KPNA2: variants seen among roughly 807,000 people sequenced by gnomAD.
KPNA2 encodes importin subunit alpha-1.
In KPNA2, 20 loss-of-function variants were observed where a neutral mutation model predicts 53.7. The observed-to-expected ratio is 0.37, with a 90% CI of 0.26 to 0.54. KPNA2 has a LOEUF of 0.54. Ranked by LOEUF, KPNA2 falls within the 20% of genes least tolerant of loss-of-function variation. The probability of loss-of-function intolerance (pLI) is 0.83; values close to 1 mark genes in which losing one functional copy is unlikely to be tolerated. For synonymous variants in KPNA2, 238 were observed against 227.5 expected (o/e 1.05, Z -0.42); for missense variants, 515 against 640.3 (o/e 0.80, Z 2.11).
At position 68,042,338 on chromosome 17, in the gene KPNA2, C is replaced by T; in HGVS notation, c.556C>T (p.Leu186=). The T allele has an allele frequency of 1.9e-6, 3 of 1,614,006 alleles. No homozygotes were observed. Among genetic ancestry groups the T allele is most frequent in the Non-Finnish European group, 1.7e-6 (2 of 1,179,904 alleles). The change falls in exon 5 of 11, where the codon CTA becomes TTA. Residue 186 remains leucine (L), a synonymous_variant. Coordinates refer to ENST00000330459, the MANE Select transcript of KPNA2 (RefSeq NM_002266.4). Reference sequence around the variant, plus strand: ...CATCAGTGAACAAGCTGTCTGGGCTCTAGGAAACATTGCAGGTACTTGGAC... The same window carrying T: ...CATCAGTGAACAAGCTGTCTGGGCTTTAGGAAACATTGCAGGTACTTGGAC... The part of the protein sequence containing the change: ...AHISEQAVWA[L]GNIAGDGSVF...
chr17:68,045,169 T>C (rs2071313711), intron 9 of KPNA2, among the ~76,000 whole-genome samples: 1 of 152,068 alleles, frequency 6.6e-6, no homozygotes, highest in Non-Finnish European at 1.5e-5. Context: ...AATTTGTCAG[T>C]ATGTGGCCAG....
intron 3 of KPNA2, among the ~76,000 whole-genome samples, chr17:68,038,693 C>T (rs1245963104): frequency 6.6e-6 from 1 of 151,982 alleles, no homozygotes; most frequent in Non-Finnish European, 1.5e-5. Context: ...GAGTGAAACT[C>T]CGTCTCAAGG....
chr17:68,041,841 G>A (rs2071263947), intron 4 of KPNA2, among the ~76,000 whole-genome samples: 1 of 152,190 alleles, frequency 6.6e-6, no homozygotes, highest in Admixed American at 6.5e-5. Context: ...TTTCTGCAGG[G>A]ATGGAAAGGA....
chr17:68,041,611 A>G (rs2071261115), intron 4 of KPNA2, among the ~76,000 whole-genome samples: 1 of 152,136 alleles, frequency 6.6e-6, no homozygotes, highest in Non-Finnish European at 1.5e-5. Context: ...TTGTCGTCCC[A>G]GCTACTAAGG....
At position 68,046,710 on chromosome 17, in the gene KPNA2, C is replaced by T; in HGVS notation, c.*114C>T. The T allele has an allele frequency of 2.9e-6, 2 of 701,484 alleles. No homozygotes were observed. Among genetic ancestry groups the T allele is most frequent in the South Asian group, 3.4e-5 (2 of 58,010 alleles). 43.5% of individuals were successfully genotyped at this position (701,484 alleles called of 1,614,324 possible). ...GTTTGTTACTGTAGCACTTTTTACACTGAAACTATACTTGAACAGTTCCAA... is the reference window on the plus strand; with the variant it reads ...GTTTGTTACTGTAGCACTTTTTACATTGAAACTATACTTGAACAGTTCCAA... On this transcript the variant is annotated 3_prime_UTR_variant, in exon 11 of 11. Coordinates refer to ENST00000330459, the MANE Select transcript of KPNA2 (RefSeq NM_002266.4).
In KPNA2 at chr17:68,043,338, T is replaced by C; in HGVS notation, c.905T>C (p.Leu302Pro). The C allele has an allele frequency of 1.2e-6, 2 of 1,614,042 alleles. No individual in the cohort carries two copies. Among genetic ancestry groups the C allele is most frequent in the Non-Finnish European group, 1.7e-6 (2 of 1,179,916 alleles). Residue 302 changes from leucine (L) to proline (P), a missense_variant, in exon 7 of 11, where the codon CTA becomes CCA. Physicochemically the swap from Leu to Pro is moderately conservative, Grantham distance 98. Coordinates refer to ENST00000330459, the MANE Select transcript of KPNA2 (RefSeq NM_002266.4). ...GTTGTGCCCCAACTTGTGAAGCTTCTAGGAGCTTCTGAATTGCCAATTGTG... is the reference window on the plus strand; with the variant it reads ...GTTGTGCCCCAACTTGTGAAGCTTCCAGGAGCTTCTGAATTGCCAATTGTG... ...TGVVPQLVKL[L>P]GASELPIVTP...
At chr17:68,039,207 G>A (rs150369593) in intron 3 of KPNA2, among the ~76,000 whole-genome samples, 5,356 of 151,568 alleles carry the variant, frequency 0.035, 131 homozygotes, top group South Asian at 0.11. Flanking sequence ...TGCAGCCTCC[G>A]TCTCCTGGGT....
At chr17:68,046,274 G>A (rs1176899801) in intron 10 of KPNA2, among the ~76,000 whole-genome samples, 3 of 152,066 alleles carry the variant, frequency 2.0e-5, no homozygotes, top group Admixed American at 1.3e-4. Flanking sequence ...GAAAAGTGAC[G>A]GTTGGGGAAG....
chr17:68,040,596 A>C, intron 3 of KPNA2, 82 bp from the exon 4 acceptor site: 1 of 901,908 alleles, frequency 1.1e-6, no homozygotes. Context: ...CGATGTTTAC[A>C]CTTGCCTTCA....
Position 68,043,359 on chromosome 17 carries a change from T to C in KPNA2, c.926T>C (p.Ile309Thr). The stretch of plus-strand genomic sequence containing the variant: ...CTTCTAGGAGCTTCTGAATTGCCAA[T>C]TGTGGTAAGTTATTTACTTGTAGAT... ...VKLLGASELP[I>T]VTPALRAIGN... The change falls in exon 7 of 11, where the codon ATT (isoleucine) becomes ACT (threonine). Residue 309 changes from isoleucine (I) to threonine (T), a missense_variant. By Grantham distance (89) the Ile-to-Thr change is moderately conservative. Coordinates refer to ENST00000330459, the MANE Select transcript of KPNA2 (RefSeq NM_002266.4). The C allele has an allele frequency of 1.9e-6, 3 of 1,613,864 alleles. No individual in the cohort carries two copies. Among genetic ancestry groups the C allele is most frequent in the East Asian group, 2.2e-5 (1 of 44,888 alleles).
In KPNA2 at chr17:68,037,166, G is replaced by A. The variant is rs782439609; in HGVS notation, c.34G>A (p.Ala12Thr). 6.2e-6 allele frequency: 10 copies of A among 1,613,596 alleles called. No homozygotes were observed. The South Asian group carries it at 1.1e-4, about 18-fold the overall frequency. Residue 12 changes from alanine to threonine, a missense_variant, in exon 2 of 11, where the codon GCC becomes ACC. By Grantham distance (58) the Ala-to-Thr change is moderately conservative. Coordinates refer to ENST00000330459, the MANE Select transcript of KPNA2 (RefSeq NM_002266.4). ...CAACGAGAATGCTAATACACCAGCT[G>A]CCCGTCTTCACAGATTCAAGAACAA... ...STNENANTPA[A>T]RLHRFKNKGK...
Position 68,043,353 on chromosome 17 carries a change from T to G in KPNA2, c.920T>G (p.Leu307Trp), listed in dbSNP as rs542379025. ...GTGAAGCTTCTAGGAGCTTCTGAAT[T>G]GCCAATTGTGGTAAGTTATTTACTT... ...QLVKLLGASE[L>W]PIVTPALRAI... The change falls in exon 7 of 11, where the codon TTG becomes TGG. Residue 307 changes from leucine (L) to tryptophan (W), a missense_variant. Coordinates refer to ENST00000330459, the MANE Select transcript of KPNA2 (RefSeq NM_002266.4). 133 of 1,613,886 alleles carry G rather than the reference T, an allele frequency of 8.2e-5. No individual in the cohort carries two copies. Among genetic ancestry groups the G allele is most frequent in the Non-Finnish European group, 1.1e-4 (125 of 1,179,958 alleles).
chr17:68,037,643 T>G (rs1480527219), intron 3 of KPNA2, 148 bp downstream of exon 3: 4 of 791,372 alleles, frequency 5.1e-6, no homozygotes, highest in Admixed American at 2.8e-5. Context: ...AATTAGTAAT[T>G]GTCTTCTTTC....
rs1555705005 is a variant in KPNA2 at position 68,043,862 on chromosome 17, A to G, written c.955A>G (p.Asn319Asp). ...IVTPALRAIG[N>D]IVTGTDEQTQ... ...GACTCCTGCCCTAAGAGCCATAGGG[A>G]ATATTGTCACTGGTACAGATGAACA... Residue 319 changes from asparagine to aspartate, a missense_variant, in exon 8 of 11, where the codon AAT (asparagine) becomes GAT (aspartate). Asn to Asp is a conservative substitution (Grantham distance 23). Transcript: ENST00000330459. 1 of 1,611,198 alleles carries G rather than the reference A, an allele frequency of 6.2e-7. No homozygotes were observed. The highest frequency in any genetic ancestry group is 1.1e-5 in the South Asian group (1 of 91,016).
At chr17:68,040,815 T>G in intron 4 of KPNA2, 49 bp downstream of exon 4, 2 of 1,076,422 alleles carry the variant, frequency 1.9e-6, no homozygotes, top group Non-Finnish European at 2.6e-6. Context: ...TTTGTGTTTT[T>G]AGATTTTTTT....
At position 68,037,119 on chromosome 17, in the gene KPNA2, T is replaced by G; in HGVS notation, c.-14T>G. On this transcript the variant is annotated 5_prime_UTR_variant, in exon 2 of 11. Transcript: ENST00000330459. ...TTCCCCCATCTTTTAGCTTTCTCCC[T>G]TTGTCTCATAACCATGTCCACCAAC... The G allele has an allele frequency of 1.2e-6, 2 of 1,602,696 alleles. No individual in the cohort carries two copies. The highest frequency in any genetic ancestry group is 1.7e-6 in the Non-Finnish European group (2 of 1,172,518).
Position 68,042,238 on chromosome 17 carries a change from A to T in KPNA2, c.456A>T (p.Ser152=), listed in dbSNP as rs2071268833. Reference sequence around the variant, plus strand: ...TCACTAACATTGCTTCTGGGACATCAGAACAAACCAAGGCTGTGGTAGATG... The same window carrying T: ...TCACTAACATTGCTTCTGGGACATCTGAACAAACCAAGGCTGTGGTAGATG... ...WALTNIASGT[S]EQTKAVVDGG... Residue 152 remains serine (S), a synonymous_variant, in exon 5 of 11, where the codon TCA becomes TCT. Transcript: ENST00000330459. 6.2e-7 allele frequency: 1 copy of T among 1,614,072 alleles called. No individual in the cohort carries two copies. The highest frequency in any genetic ancestry group is 1.7e-5 in the Admixed American group (1 of 60,000).
At chr17:68,043,478 T>G (rs1298275503) in intron 7 of KPNA2, 115 bp downstream of exon 7, 15 of 993,012 alleles carry the variant, frequency 1.5e-5, no homozygotes, top group Non-Finnish European at 2.3e-5. Context: ...CCAAGGCAGG[T>G]GGATCACCTG....
Position 68,046,563 on chromosome 17 carries a change from T to G in KPNA2, c.1557T>G (p.Val519=). 6.2e-7 allele frequency: 1 copy of G among 1,611,746 alleles called. No individual in the cohort carries two copies. ...ETTSEGYTFQ[V]QDGAPGTFNF ...CCTCTGAAGGCTACACTTTCCAAGT[T>G]CAGGATGGGGCTCCTGGGACCTTTA... The change falls in exon 11 of 11, where the codon GTT becomes GTG. Residue 519 remains valine, a synonymous_variant. Coordinates refer to ENST00000330459, the MANE Select transcript of KPNA2 (RefSeq NM_002266.4).
Sources: allele counts gnomAD v4.1 joint callset (sites outside exome capture counted in the v4.1 genomes callset), GRCh38; gene constraint gnomAD v4.1.1; transcripts MANE v1.5; gene names NCBI Gene and HGNC (gene_info 2026-07-23, HGNC 2026-07-21).